The following PRKG1 variants were observed in gnomAD, a reference collection of about 807,000 sequenced individuals.
The protein encoded by PRKG1 is cGMP-dependent protein kinase 1.
A neutral mutation model predicts 88.1 loss-of-function variants in PRKG1; 35 were observed. The ratio of observed to expected loss-of-function variants is 0.40; its 90% CI spans 0.30 to 0.53. The LOEUF (loss-of-function observed/expected upper bound fraction) is 0.53, where lower values mean the gene tolerates loss of function less well. Ranked by LOEUF, PRKG1 falls within the 20% of genes least tolerant of loss-of-function variation. The probability of loss-of-function intolerance (pLI) is 0.59; values close to 1 mark genes in which losing one functional copy is unlikely to be tolerated. For synonymous variants in PRKG1, 303 were observed against 292.5 expected, an observed-to-expected ratio of 1.04 and a Z score of -0.37; for missense variants, 540 against 839.8, an observed-to-expected ratio of 0.64 and a Z score of 4.41.
At chr10:51,245,704 A>T (rs915132689) in intron 2 of PRKG1, 2 of 152,112 alleles carry the variant, frequency 1.3e-5, no homozygotes, top group African/African-American at 4.8e-5. Context: ...AAGTGTAACA[A>T]CCTCATATGA....
At chr10:51,911,496 A>T (rs977348055) in intron 5 of PRKG1, among the ~76,000 whole-genome samples, 1 of 152,216 alleles carries the variant, frequency 6.6e-6, no homozygotes, top group African/African-American at 2.4e-5. Context: ...TAATCAGAAG[A>T]TGCCTTAATT....
chr10:51,602,490 G>A (rs571995524), intron 3 of PRKG1, among the ~76,000 whole-genome samples: 106 of 151,972 alleles, frequency 7.0e-4, no homozygotes, highest in African/African-American at 2.5e-3. Flanking sequence ...CTGTCACCCA[G>A]GCTGGAATGT....
intron 1 of PRKG1, among the ~76,000 whole-genome samples, chr10:51,095,612 T>C (rs922466808): frequency 1.3e-5 from 2 of 152,178 alleles, no homozygotes; most frequent in African/African-American, 2.4e-5. Context: ...AGGGAATTCT[T>C]TGATAGCAGC....
At chr10:52,098,535 G>T (rs1019731536) in intron 7 of PRKG1, among the ~76,000 whole-genome samples, 1 of 152,164 alleles carries the variant, frequency 6.6e-6, no homozygotes, top group Non-Finnish European at 1.5e-5. Context: ...AATAGGCCGG[G>T]CGCGGTGGCT....
At chr10:52,293,718 A>G (rs2132469505) in intron 17 of PRKG1, 84 bp from the exon 18 acceptor site, 4 of 1,078,244 alleles carry the variant, frequency 3.7e-6, no homozygotes, top group South Asian at 1.4e-5. Context: ...CTAATAGGGA[A>G]TAAATACAGA....
chr10:52,061,593 G>A (rs1376069731), intron 6 of PRKG1, among the ~76,000 whole-genome samples: 1 of 152,046 alleles, frequency 6.6e-6, no homozygotes, highest in Non-Finnish European at 1.5e-5. Flanking sequence ...AGTCCTGTGT[G>A]TTCTAGGCTA....
At chr10:51,661,210 G>A (rs1411975483) in intron 3 of PRKG1, among the ~76,000 whole-genome samples, 1 of 152,070 alleles carries the variant, frequency 6.6e-6, no homozygotes, top group Non-Finnish European at 1.5e-5. Context: ...AGGATGGATA[G>A]CAAGATGAAT....
intron 3 of PRKG1, among the ~76,000 whole-genome samples, chr10:51,596,297 G>A (rs543339950): frequency 2.6e-4 from 39 of 152,230 alleles, no homozygotes; most frequent in African/African-American, 8.9e-4. Flanking sequence ...AAAATTAAAT[G>A]AGCACAATTT....
At chr10:51,863,521 T>G (rs979610788) in intron 4 of PRKG1, among the ~76,000 whole-genome samples, 10 of 152,194 alleles carry the variant, frequency 6.6e-5, no homozygotes, top group Admixed American at 5.9e-4. Context: ...TGGTTTGGTA[T>G]GAATGTGTCC....
chr10:51,089,086 G>C lies in PRKG1; in HGVS notation c.311+14185G>C, dbSNP rs374685013. Among the ~76,000 whole-genome samples, 16 of 152,136 alleles carry C rather than the reference G, an allele frequency of 1.1e-4. No individual in the cohort carries two copies. In the South Asian group the frequency reaches 3.1e-3, roughly 30 times the overall value. On this transcript the variant is annotated intron_variant, in intron 1 of 17. Coordinates refer to ENST00000373980, the MANE Select transcript of PRKG1 (RefSeq NM_006258.4). ...TATGTTATTGGCCTGCCCTCTGAAGGCATTTCCATTTTTCAGATTGGGATT... is the reference window on the plus strand; with the variant it reads ...TATGTTATTGGCCTGCCCTCTGAAGCCATTTCCATTTTTCAGATTGGGATT...
chr10:52,176,173 C>CTTTTTT (rs140722137), intron 9 of PRKG1, among the ~76,000 whole-genome samples: 22 of 95,670 alleles, frequency 2.3e-4, no homozygotes, highest in Non-Finnish European at 3.5e-4. Context: ...TTCTTTTTCT[C>CTTTTTT]TTTTTTTTTT....
At chr10:51,175,159 A>T (rs1236398307) in intron 2 of PRKG1, among the ~76,000 whole-genome samples, 6 of 139,826 alleles carry the variant, frequency 4.3e-5, no homozygotes, top group Non-Finnish European at 6.2e-5. Flanking sequence ...TAATAGCTAA[A>T]TTACTAAGCT....
chr10:52,164,896 G>A (rs1838388918), intron 9 of PRKG1, among the ~76,000 whole-genome samples: 1 of 152,076 alleles, frequency 6.6e-6, no homozygotes, highest in Non-Finnish European at 1.5e-5. Flanking sequence ...TTACTTTTGG[G>A]TGTGTGTGGT....
At chr10:51,626,766 A>C (rs1259805741) in intron 3 of PRKG1, among the ~76,000 whole-genome samples, 1 of 152,182 alleles carries the variant, frequency 6.6e-6, no homozygotes, top group African/African-American at 2.4e-5. Flanking sequence ...GTCAGTGTTG[A>C]GATCACTCTT....
intron 3 of PRKG1, among the ~76,000 whole-genome samples, chr10:51,746,951 G>A (rs1191943593): frequency 6.6e-6 from 1 of 151,952 alleles, no homozygotes; most frequent in Non-Finnish European, 1.5e-5. Context: ...CCTAAAGGGT[G>A]GCTTTTCTGG....
chr10:52,038,190 GA>G (rs748426110), intron 5 of PRKG1, among the ~76,000 whole-genome samples: 7 of 152,032 alleles, frequency 4.6e-5, no homozygotes, highest in African/African-American at 1.2e-4. Flanking sequence ...TTAAGTTTTT[GA>G]GAACACAGGC....
intron 1 of PRKG1, among the ~76,000 whole-genome samples, chr10:50,993,239 G>C (rs941960031): frequency 1.3e-5 from 2 of 152,180 alleles, no homozygotes; most frequent in African/African-American, 4.8e-5. Context: ...AGGCAGAAAG[G>C]ACTCCTCTTA....
chr10:51,096,796 G>A (rs925042726), intron 1 of PRKG1, among the ~76,000 whole-genome samples: 7 of 152,068 alleles, frequency 4.6e-5, no homozygotes, highest in African/African-American at 1.4e-4. Context: ...TCATCATTCC[G>A]CTAGCCCAGT....
At chr10:51,360,740 A>C (rs1248402909) in intron 2 of PRKG1, among the ~76,000 whole-genome samples, 3 of 151,898 alleles carry the variant, frequency 2.0e-5, no homozygotes, top group Non-Finnish European at 4.4e-5. Flanking sequence ...CCTTCCGCAC[A>C]CTTTAAGTTG....
Sources: allele counts gnomAD v4.1 joint callset (sites outside exome capture counted in the v4.1 genomes callset), GRCh38; gene constraint gnomAD v4.1.1; transcripts MANE v1.5; gene names NCBI Gene and HGNC (gene_info 2026-07-23, HGNC 2026-07-21).